The following ARFGEF3 variants were observed in gnomAD, a reference collection of about 807,000 sequenced individuals.
ARFGEF3 encodes the protein ARFGEF family member 3, also known as brefeldin A-inhibited guanine nucleotide-exchange protein 3.
Under a neutral mutation model 221.7 loss-of-function variants are expected in ARFGEF3, and 96 were observed. That is an observed-to-expected ratio of 0.43 (90% CI 0.37 to 0.51). ARFGEF3 has a LOEUF of 0.51. Among genes scored for constraint, ARFGEF3 ranks in the 20% least tolerant of loss-of-function variants. ARFGEF3 has a pLI of 0.00. For missense variants in ARFGEF3, 2,410 were observed against 2,789.9 expected (o/e 0.86, Z 3.07); for synonymous variants, 1,145 against 1,126.8 (o/e 1.02, Z -0.32).
At chr6:138,217,738 C>G (rs899401995) in intron 4 of ARFGEF3, 2 of 446,770 alleles carry the variant, frequency 4.5e-6, no homozygotes, top group Non-Finnish European at 7.3e-6. Context: ...TTTTTAATGG[C>G]CCACTAGGAT....
chr6:138,190,403 T>C (rs1444723534), intron 2 of ARFGEF3, among the ~76,000 whole-genome samples: 3 of 152,036 alleles, frequency 2.0e-5, no homozygotes, highest in Non-Finnish European at 4.4e-5. Flanking sequence ...GTCAAGTGGA[T>C]ATGAGCCGAG....
chr6:138,239,393 A>G (rs922989517), intron 6 of ARFGEF3, among the ~76,000 whole-genome samples: 2 of 152,180 alleles, frequency 1.3e-5, no homozygotes, highest in Non-Finnish European at 1.5e-5. Context: ...CACACCTGTA[A>G]TCTCAGCACT....
chr6:138,265,258 A>G (rs1450983253), intron 12 of ARFGEF3, among the ~76,000 whole-genome samples: 1 of 152,178 alleles, frequency 6.6e-6, no homozygotes, highest in African/African-American at 2.4e-5. Context: ...CAAAGGAGAC[A>G]CAGAATTTTT....
At chr6:138,209,709 A>G (rs774896618) in intron 3 of ARFGEF3, among the ~76,000 whole-genome samples, 16 of 151,960 alleles carry the variant, frequency 1.1e-4, no homozygotes, top group African/African-American at 2.4e-5. Flanking sequence ...CAGCCTCCCA[A>G]AGTGCTGGGA....
chr6:138,329,720 C>T (rs898057981), intron 32 of ARFGEF3, among the ~76,000 whole-genome samples: 1 of 152,190 alleles, frequency 6.6e-6, no homozygotes, highest in Non-Finnish European at 1.5e-5. Context: ...GGCCTCTGCC[C>T]TTTCCCATTT....
intron 17 of ARFGEF3, among the ~76,000 whole-genome samples, chr6:138,289,616 G>A (rs1779361670): frequency 1.3e-5 from 2 of 152,232 alleles, no homozygotes; most frequent in African/African-American, 4.8e-5. Flanking sequence ...TTCTGGAGCT[G>A]GAGAGCTGGG....
chr6:138,272,559 A>G (rs1469961598), intron 12 of ARFGEF3, among the ~76,000 whole-genome samples: 2 of 152,250 alleles, frequency 1.3e-5, no homozygotes, highest in African/African-American at 4.8e-5. Flanking sequence ...TAAAATGTTA[A>G]TACTGCTTAT....
intron 2 of ARFGEF3, among the ~76,000 whole-genome samples, chr6:138,191,621 C>T (rs952144599): frequency 6.6e-6 from 1 of 152,180 alleles, no homozygotes; most frequent in African/African-American, 2.4e-5. Context: ...AGATTGATAA[C>T]TTCTAAATTT....
At position 138,336,565 on chromosome 6, in the gene ARFGEF3, C is replaced by A; in HGVS notation, c.*79C>A. On this transcript the variant is annotated 3_prime_UTR_variant, in exon 34 of 34. Coordinates refer to ENST00000251691, the MANE Select transcript of ARFGEF3 (RefSeq NM_020340.5). ...GCCAATACAGCTGTTGCATTTTCCC[C>A]ACCACTAGCCCCACTTAAACTACTA... The A allele has an allele frequency of 8.5e-7, 1 of 1,181,596 alleles. No homozygotes were observed. The highest frequency in any genetic ancestry group is 2.6e-5 in the East Asian group (1 of 38,802). 73.2% of individuals were successfully genotyped at this position (1,181,596 alleles called of 1,614,324 possible).
chr6:138,334,021 C>T lies in ARFGEF3; in HGVS notation c.5175C>T (p.Leu1725=). The change falls in exon 33 of 34, where the codon CTC becomes CTT. Residue 1725 remains leucine, a synonymous_variant. Transcript: ENST00000251691. The surrounding 1 kb of genome is among the most constrained non-coding windows in gnomAD (Gnocchi z 5.1). ...GCCTGCTGTCTCATCAGGTGTTACTCCAGAACTTATATGACATCTTGTTAG... is the reference window on the plus strand; with the variant it reads ...GCCTGCTGTCTCATCAGGTGTTACTTCAGAACTTATATGACATCTTGTTAG... ...VVSLLSHQVL[L]QNLYDILLEE... is the part of the protein sequence containing the mutation. The T allele has an allele frequency of 6.2e-7, 1 of 1,613,812 alleles. No homozygotes were observed. The highest frequency in any genetic ancestry group is 8.5e-7 in the Non-Finnish European group (1 of 1,179,762).
chr6:138,233,926 A>C (rs1467911446), intron 5 of ARFGEF3, among the ~76,000 whole-genome samples: 5 of 152,180 alleles, frequency 3.3e-5, no homozygotes, highest in Admixed American at 2.0e-4. Flanking sequence ...TGAGACCACT[A>C]GAGTGAGGAA....
intron 2 of ARFGEF3, among the ~76,000 whole-genome samples, chr6:138,172,213 A>G (rs6925058): frequency 0.1 from 15,753 of 152,216 alleles, 1,548 homozygotes; most frequent in African/African-American, 0.27. Context: ...TGCAGCTGGG[A>G]TGTCCAGCAC....
At chr6:138,233,056 T>G (rs908244161) in intron 5 of ARFGEF3, among the ~76,000 whole-genome samples, 2 of 152,188 alleles carry the variant, frequency 1.3e-5, no homozygotes, top group South Asian at 2.1e-4. Flanking sequence ...AGTTAGATAA[T>G]TGTTCTATGG....
intron 4 of ARFGEF3, among the ~76,000 whole-genome samples, chr6:138,222,938 T>C (rs1349603437): frequency 6.6e-6 from 1 of 152,158 alleles, no homozygotes; most frequent in Admixed American, 6.5e-5. Context: ...TAAATTGAAG[T>C]AAGAAAATGT....
intron 2 of ARFGEF3, 111 bp from the exon 3 acceptor site, chr6:138,206,931 T>C: frequency 1.4e-6 from 1 of 724,852 alleles, no homozygotes; most frequent in South Asian, 1.7e-5. Flanking sequence ...TTGGTTATAG[T>C]TTTTGTGTAT....
At chr6:138,324,620 T>G (rs910461853) in intron 31 of ARFGEF3, among the ~76,000 whole-genome samples, 1 of 152,250 alleles carries the variant, frequency 6.6e-6, no homozygotes. Context: ...TATTCACTCA[T>G]GCAGGAATCA....
chr6:138,175,927 A>AGTGTTGGG (rs1327847442), intron 2 of ARFGEF3, among the ~76,000 whole-genome samples: 2 of 152,128 alleles, frequency 1.3e-5, no homozygotes, highest in African/African-American at 4.8e-5. Context: ...TGGGTGCTCC[A>AGTGTTGGG]GTGTTGGGTA....
Position 138,289,172 on chromosome 6 carries a change from C to G in ARFGEF3, c.2897-646C>G, listed in dbSNP as rs766211339. ...TTCTCCATGTTGTTCAGGCTGGTCT[C>G]GAACTCCCAACCTCTGGTGATCCAC... On this transcript the variant is annotated intron_variant, in intron 17 of 33. Transcript: ENST00000251691. Among the ~76,000 whole-genome samples the G allele has an allele frequency of 1.1e-4, 17 of 152,246 alleles. 1 individual carries two copies. The highest frequency in any genetic ancestry group is 5.8e-4 in the East Asian group (3 of 5,172).
chr6:138,254,036 GCTGA>G, intron 9 of ARFGEF3, 52 bp downstream of exon 9: 2 of 1,242,674 alleles, frequency 1.6e-6, no homozygotes, highest in Non-Finnish European at 2.2e-6. Flanking sequence ...AAGGGCTGCT[GCTGA>G]CTGTGTCTCT....
Sources: gnomAD v4.1 joint callset for allele counts (sites outside exome capture counted in the v4.1 genomes callset) on GRCh38, gnomAD v4.1.1 for gene constraint, Gnocchi (gnomAD v3.1) non-coding constraint, MANE v1.5 for transcripts, NCBI Gene and HGNC (gene_info 2026-07-23, HGNC 2026-07-21) for gene names.